The following FKBP1B variants were observed in gnomAD, a reference collection of about 807,000 sequenced individuals.
The protein encoded by FKBP1B is peptidyl-prolyl cis-trans isomerase FKBP1B.
In FKBP1B, 4 loss-of-function variants were observed where a neutral mutation model predicts 13.5. The observed-to-expected ratio is 0.30, with a 90% confidence interval of 0.15 to 0.68. The LOEUF is 0.68. Ranked by LOEUF, FKBP1B falls within the 30% of genes least tolerant of loss-of-function variation. FKBP1B has a pLI of 0.76. For missense variants in FKBP1B, 93 were observed against 136.2 expected, an observed-to-expected ratio of 0.68 and a Z score of 1.58; for synonymous variants, 54 against 53.6, an observed-to-expected ratio of 1.01 and a Z score of -0.03.
chr2:24,057,025 G>T (rs994313658), intron 2 of FKBP1B, among the ~76,000 whole-genome samples: 3 of 152,008 alleles, frequency 2.0e-5, no homozygotes, highest in Non-Finnish European at 4.4e-5. Flanking sequence ...TAGGAGTTTT[G>T]TATATGTTTT....
upstream of FKBP1B, among the ~76,000 whole-genome samples, chr2:24,047,849 C>T (rs563259206): frequency 2.0e-5 from 3 of 152,376 alleles, no homozygotes; most frequent in South Asian, 4.1e-4. Flanking sequence ...TCTACCCCGA[C>T]CCTAAGCGTG....
the FKBP1B span, among the ~76,000 whole-genome samples, chr2:24,035,120 G>A: frequency 6.6e-6 from 1 of 151,466 alleles, no homozygotes; most frequent in African/African-American, 2.4e-5. Context: ...CTAAAGGTTG[G>A]ATTATGGAAA....
intron 2 of FKBP1B, among the ~76,000 whole-genome samples, chr2:24,059,204 C>T (rs909436110): frequency 6.6e-6 from 1 of 150,492 alleles, no homozygotes; most frequent in Non-Finnish European, 1.5e-5. Flanking sequence ...CGGGAGCAGT[C>T]GTGGAACTGC....
chr2:24,044,778 T>A (rs1479536190), upstream of FKBP1B, among the ~76,000 whole-genome samples: 7 of 137,758 alleles, frequency 5.1e-5, no homozygotes, highest in Admixed American at 5.6e-4. Flanking sequence ...ACTTTCCAAA[T>A]GAGCCTGCAT....
At chr2:24,035,689 AG>A in the FKBP1B span, among the ~76,000 whole-genome samples, 2 of 151,988 alleles carry the variant, frequency 1.3e-5, no homozygotes, top group African/African-American at 2.4e-5. Flanking sequence ...CTGAAGCAGG[AG>A]GACTGCTTGA....
upstream of FKBP1B, among the ~76,000 whole-genome samples, chr2:24,045,415 A>C (rs1451485407): frequency 6.6e-6 from 1 of 151,880 alleles, no homozygotes; most frequent in Non-Finnish European, 1.5e-5. Context: ...CACCCTGGCC[A>C]ACATGGTGAA....
At chr2:24,045,203 G>A (rs576998576), upstream of FKBP1B, among the ~76,000 whole-genome samples, 26 of 152,306 alleles carry the variant, frequency 1.7e-4, no homozygotes, top group African/African-American at 5.5e-4. Context: ...CAGTGATATC[G>A]ATAGGATATA....
the FKBP1B span, among the ~76,000 whole-genome samples, chr2:24,043,496 C>G: frequency 6.6e-6 from 1 of 151,876 alleles, no homozygotes; most frequent in Non-Finnish European, 1.5e-5. Flanking sequence ...CTACTTAAAA[C>G]AAAACAAAAC....
At chr2:24,044,418 C>G in the FKBP1B span, among the ~76,000 whole-genome samples, 2 of 152,066 alleles carry the variant, frequency 1.3e-5, no homozygotes, top group Admixed American at 1.3e-4. Context: ...AGGGGCCCAC[C>G]ACCATGCCCA....
At position 24,049,892 on chromosome 2, in the gene FKBP1B, G is replaced by C. The variant is rs1204243633; in HGVS notation, c.37+6G>C. On this transcript the variant is annotated splice_donor_region_variant and intron_variant, in intron 1 of 3. Coordinates refer to ENST00000380986, the MANE Select transcript of FKBP1B (RefSeq NM_004116.5). ...GACCATCTCCCCCGGAGACGGTACC[G>C]GGCTCCCTCCGGAGCCAGGGGAGGG... 11 of 1,410,502 alleles carry C rather than the reference G, an allele frequency of 7.8e-6. No homozygotes were observed. Among genetic ancestry groups the C allele is most frequent in the African/African-American group, 4.4e-5 (3 of 67,486 alleles). 87.4% of individuals were successfully genotyped at this position (1,410,502 alleles called of 1,614,324 possible).
intron 2 of FKBP1B, among the ~76,000 whole-genome samples, chr2:24,057,429 A>G (rs1664180905): frequency 6.6e-6 from 1 of 151,874 alleles, no homozygotes; most frequent in Non-Finnish European, 1.5e-5. Flanking sequence ...GCTGGAGTGC[A>G]ATGGCACGAT....
upstream of FKBP1B, among the ~76,000 whole-genome samples, chr2:24,045,527 G>A (rs1663583587): frequency 6.6e-6 from 1 of 151,370 alleles, no homozygotes; most frequent in Admixed American, 6.6e-5. Context: ...CTTGAACCCG[G>A]CTGGCGGAGG....
the FKBP1B span, chr2:24,037,820 T>C: frequency 1.2e-6 from 2 of 1,614,244 alleles, no homozygotes; most frequent in Admixed American, 3.3e-5. Flanking sequence ...TCCACTTCCT[T>C]AGACAGCTGA....
At chr2:24,062,154 C>T (rs747081049) in intron 3 of FKBP1B, among the ~76,000 whole-genome samples, 17 of 151,658 alleles carry the variant, frequency 1.1e-4, no homozygotes, top group Non-Finnish European at 2.2e-4. Context: ...CCACCGTGCC[C>T]GGCCTGTTTT....
chr2:24,054,004 G>A, intron 2 of FKBP1B, 55 bp downstream of exon 2: 1 of 1,546,366 alleles, frequency 6.5e-7, no homozygotes, highest in Non-Finnish European at 8.9e-7. Flanking sequence ...AGGCAGGGCT[G>A]TCCTCTGAGC....
At chr2:24,043,538 A>G in the FKBP1B span, among the ~76,000 whole-genome samples, 1 of 152,178 alleles carries the variant, frequency 6.6e-6, no homozygotes, top group South Asian at 2.1e-4. Context: ...ATCTACAAAC[A>G]TATATAAAGT....
chr2:24,057,859 C>G (rs1332501846), intron 2 of FKBP1B, among the ~76,000 whole-genome samples: 1 of 151,930 alleles, frequency 6.6e-6, no homozygotes, highest in Non-Finnish European at 1.5e-5. Flanking sequence ...ACTTATCAAT[C>G]TTTCCCTTTA....
chr2:24,061,506 G>C (rs904502843), intron 3 of FKBP1B, among the ~76,000 whole-genome samples: 1 of 152,172 alleles, frequency 6.6e-6, no homozygotes, highest in Non-Finnish European at 1.5e-5. Context: ...GCCTGGGACT[G>C]AGGTAGTGGA....
the FKBP1B span, among the ~76,000 whole-genome samples, chr2:24,041,593 G>A: frequency 6.6e-6 from 1 of 151,490 alleles, no homozygotes; most frequent in Non-Finnish European, 1.5e-5. Flanking sequence ...TACACCCAAA[G>A]TGTAATCCCA....
Sources: gnomAD v4.1 joint callset for allele counts (sites outside exome capture counted in the v4.1 genomes callset) on GRCh38, gnomAD v4.1.1 for gene constraint, MANE v1.5 for transcripts, NCBI Gene and HGNC (gene_info 2026-07-23, HGNC 2026-07-21) for gene names.